The following MGAT4C variants were observed in gnomAD, a reference collection of about 807,000 sequenced individuals.
MGAT4C encodes the protein alpha-1,3-mannosyl-glycoprotein 4-beta-N-acetylglucosaminyltransferase C.
Under a neutral mutation model 40.1 loss-of-function variants are expected in MGAT4C, and 19 were observed. That is an observed-to-expected ratio of 0.47 (90% CI 0.33 to 0.70). MGAT4C has a LOEUF of 0.70. Among genes scored for constraint, MGAT4C ranks in the 30% least tolerant of loss-of-function variants. The pLI is 0.02. For synonymous variants in MGAT4C, 181 were observed against 187.1 expected, an observed-to-expected ratio of 0.97 and a Z score of 0.27; for missense variants, 491 against 563.2, an observed-to-expected ratio of 0.87 and a Z score of 1.30.
At chr12:86,744,096 A>C (rs1268443468) in intron 1 of MGAT4C, among the ~76,000 whole-genome samples, 2 of 151,590 alleles carry the variant, frequency 1.3e-5, no homozygotes, top group Non-Finnish European at 3.0e-5. Context: ...ACTGAAATTT[A>C]CAGCGGGCTG....
intron 2 of MGAT4C, among the ~76,000 whole-genome samples, chr12:86,709,122 G>A (rs1177277071): frequency 6.6e-6 from 1 of 152,262 alleles, no homozygotes; most frequent in East Asian, 1.9e-4. Context: ...GGAGGTAATT[G>A]AATCATGGGG....
chr12:86,434,724 C>A (rs1205262725), intron 3 of MGAT4C, among the ~76,000 whole-genome samples: 2 of 151,828 alleles, frequency 1.3e-5, no homozygotes, highest in Non-Finnish European at 2.9e-5. Flanking sequence ...AAAATATCTG[C>A]AAGTGAATCC....
intron 1 of MGAT4C, among the ~76,000 whole-genome samples, chr12:86,227,693 ATT>A (rs1306441375): frequency 2.6e-5 from 4 of 152,074 alleles, no homozygotes; most frequent in Non-Finnish European, 5.9e-5. Flanking sequence ...TAATTTCAAA[ATT>A]TTAATATTTC....
intron 1 of MGAT4C, among the ~76,000 whole-genome samples, chr12:86,136,973 G>A (rs748120858): frequency 1.7e-4 from 26 of 152,026 alleles, no homozygotes; most frequent in East Asian, 7.7e-4. Context: ...GGCATGAGCC[G>A]CGCGCCTGGC....
At chr12:86,091,767 G>A (rs1872927310) in intron 1 of MGAT4C, among the ~76,000 whole-genome samples, 1 of 152,024 alleles carries the variant, frequency 6.6e-6, no homozygotes, top group African/African-American at 2.4e-5. Flanking sequence ...TTAACTCGAT[G>A]GAGAGCCCTT....
chr12:86,532,958 A>G (rs2136374870), intron 2 of MGAT4C, among the ~76,000 whole-genome samples: 1 of 152,162 alleles, frequency 6.6e-6, no homozygotes, highest in Admixed American at 6.6e-5. Flanking sequence ...GCATTCTGCT[A>G]AGTCTTTAAC....
chr12:86,226,130 C>T (rs1340636346), intron 1 of MGAT4C, among the ~76,000 whole-genome samples: 3 of 149,014 alleles, frequency 2.0e-5, no homozygotes, highest in Non-Finnish European at 4.5e-5. Context: ...AAAAAAAAAA[C>T]ATGTGCAGTT....
intron 2 of MGAT4C, among the ~76,000 whole-genome samples, chr12:86,626,774 G>T (rs1254910519): frequency 6.6e-6 from 1 of 152,208 alleles, no homozygotes; most frequent in Non-Finnish European, 1.5e-5. Flanking sequence ...AATAGGAATA[G>T]CTCTAGTCTG....
chr12:85,992,321 T>C (rs1453232291), intron 2 of MGAT4C, among the ~76,000 whole-genome samples: 1 of 152,154 alleles, frequency 6.6e-6, no homozygotes, highest in African/African-American at 2.4e-5. Flanking sequence ...CTTTCATGCA[T>C]ATCTAGCTGT....
At chr12:86,708,159 A>G (rs11104049) in intron 2 of MGAT4C, among the ~76,000 whole-genome samples, 21,076 of 152,172 alleles carry the variant, frequency 0.14, 1,904 homozygotes, top group East Asian at 0.37. Flanking sequence ...CAGGGTCCCC[A>G]TGCTGTTTGC....
chr12:86,080,669 T>G (rs1870668526), intron 1 of MGAT4C, among the ~76,000 whole-genome samples: 1 of 152,130 alleles, frequency 6.6e-6, no homozygotes, highest in Non-Finnish European at 1.5e-5. Context: ...CAGAGTTTCA[T>G]GTCTAGTGCT....
At chr12:86,681,017 C>T (rs1211370407) in intron 2 of MGAT4C, among the ~76,000 whole-genome samples, 1 of 151,834 alleles carries the variant, frequency 6.6e-6, no homozygotes, top group Non-Finnish European at 1.5e-5. Flanking sequence ...TAATTTATTT[C>T]AAAACCTCCT....
chr12:86,348,794 T>C (rs1198657670), intron 3 of MGAT4C, among the ~76,000 whole-genome samples: 1 of 152,160 alleles, frequency 6.6e-6, no homozygotes, highest in Non-Finnish European at 1.5e-5. Context: ...CAATGATGTG[T>C]ATTTATATGA....
intron 3 of MGAT4C, among the ~76,000 whole-genome samples, chr12:86,353,587 T>C (rs537213244): frequency 6.6e-6 from 1 of 152,252 alleles, no homozygotes; most frequent in East Asian, 1.9e-4. Context: ...GACTTTCTCT[T>C]TTTACTCTCC....
At chr12:86,612,530 A>T (rs1019174874) in intron 2 of MGAT4C, among the ~76,000 whole-genome samples, 3 of 152,142 alleles carry the variant, frequency 2.0e-5, no homozygotes, top group African/African-American at 4.8e-5. Flanking sequence ...CAAGCAGATC[A>T]TCTGAAGTCA....
At chr12:86,091,548 A>G (rs1395826290) in intron 1 of MGAT4C, among the ~76,000 whole-genome samples, 9 of 152,082 alleles carry the variant, frequency 5.9e-5, no homozygotes, top group Admixed American at 5.9e-4. Flanking sequence ...CAGCATCTAG[A>G]GAATATTAGA....
intron 2 of MGAT4C, among the ~76,000 whole-genome samples, chr12:86,014,634 T>C (rs958071418): frequency 1.3e-5 from 2 of 152,202 alleles, no homozygotes; most frequent in Admixed American, 1.3e-4. Context: ...GTGAAAATTG[T>C]ACAGAAGTCG....
chr12:86,208,950 T>C (rs1398911226), intron 1 of MGAT4C, among the ~76,000 whole-genome samples: 1 of 152,184 alleles, frequency 6.6e-6, no homozygotes, highest in Non-Finnish European at 1.5e-5. Context: ...CTTTATGTCT[T>C]AGTTTCAAAA....
At chr12:86,614,988 T>C (rs908096021) in intron 2 of MGAT4C, among the ~76,000 whole-genome samples, 5 of 151,968 alleles carry the variant, frequency 3.3e-5, no homozygotes, top group Non-Finnish European at 7.4e-5. Flanking sequence ...ATTCATAAGG[T>C]GTATTAGAGT....
Sources: allele counts gnomAD v4.1 joint callset (sites outside exome capture counted in the v4.1 genomes callset), GRCh38; gene constraint gnomAD v4.1.1; transcripts MANE v1.5; gene names NCBI Gene and HGNC (gene_info 2026-07-23, HGNC 2026-07-21).